ESRRG: variants seen among roughly 807,000 people sequenced by gnomAD.
The protein encoded by ESRRG is estrogen related receptor gamma, also known as estrogen-related receptor gamma.
In ESRRG, 13 loss-of-function variants were observed where a neutral mutation model predicts 44.0. The ratio of observed to expected loss-of-function variants is 0.30; its 90% CI spans 0.19 to 0.47. ESRRG has a LOEUF of 0.47. ESRRG is among the 20% of genes least tolerant of loss of function. ESRRG has a pLI of 1.00. For missense variants in ESRRG, 395 were observed against 580.6 expected (o/e 0.68, Z 3.29); for synonymous variants, 215 against 214.6 (o/e 1.00, Z -0.02).
intron 1 of ESRRG, among the ~76,000 whole-genome samples, chr1:217,097,601 T>A (rs1303900885): frequency 6.6e-6 from 1 of 152,210 alleles, no homozygotes; most frequent in African/African-American, 2.4e-5. Flanking sequence ...TCATTGATTG[T>A]GTATTTCACT....
At chr1:216,699,890 C>T (rs1274230482) in intron 1 of ESRRG, among the ~76,000 whole-genome samples, 1 of 152,152 alleles carries the variant, frequency 6.6e-6, no homozygotes, top group Non-Finnish European at 1.5e-5. Context: ...TAGAAAGCCT[C>T]GCCTATGGAT....
intron 2 of ESRRG, among the ~76,000 whole-genome samples, chr1:216,810,628 T>C (rs2094939294): frequency 6.8e-6 from 1 of 147,886 alleles, no homozygotes; most frequent in Non-Finnish European, 1.5e-5. Flanking sequence ...CTATATGGTA[T>C]ATAGTTTATA....
intron 1 of ESRRG, among the ~76,000 whole-genome samples, chr1:217,057,949 A>C (rs1371007215): frequency 6.6e-6 from 1 of 152,214 alleles, no homozygotes; most frequent in Non-Finnish European, 1.5e-5. Flanking sequence ...AAGAGAAAAA[A>C]TAATAATGAA....
upstream of ESRRG, among the ~76,000 whole-genome samples, chr1:216,726,446 A>G (rs192160550): frequency 1.3e-4 from 20 of 152,298 alleles, no homozygotes; most frequent in Admixed American, 1.3e-3. Flanking sequence ...CTTGCAGGAG[A>G]AAACAATGGA....
intron 1 of ESRRG, among the ~76,000 whole-genome samples, chr1:216,959,213 A>G (rs555057563): frequency 6.6e-6 from 1 of 152,166 alleles, no homozygotes; most frequent in Non-Finnish European, 1.5e-5. Flanking sequence ...TGATTCCCAG[A>G]TCCTAGAACA....
intron 1 of ESRRG, among the ~76,000 whole-genome samples, chr1:217,037,723 GTCTTA>G (rs2083154940): frequency 6.6e-6 from 1 of 152,062 alleles, no homozygotes; most frequent in African/African-American, 2.4e-5. Context: ...ACAGTCCAAA[GTCTTA>G]TCTGAGACAA....
chr1:216,704,282 G>C (rs535935777), intron 1 of ESRRG, among the ~76,000 whole-genome samples: 1 of 152,314 alleles, frequency 6.6e-6, no homozygotes, highest in Admixed American at 6.5e-5. Flanking sequence ...GGAAGGCCGA[G>C]GCGGGTGGAT....
chr1:217,053,855 G>C (rs896151779), intron 1 of ESRRG, among the ~76,000 whole-genome samples: 1 of 152,058 alleles, frequency 6.6e-6, no homozygotes, highest in Non-Finnish European at 1.5e-5. Flanking sequence ...TTTTCTAGGA[G>C]TAAGGGCATT....
chr1:216,980,193 G>T (rs894809494), intron 1 of ESRRG, among the ~76,000 whole-genome samples: 4 of 152,090 alleles, frequency 2.6e-5, no homozygotes, highest in African/African-American at 9.7e-5. Flanking sequence ...TGCGTTCCAT[G>T]TTGCACCACT....
At chr1:216,866,381 A>G (rs1409415333) in intron 2 of ESRRG, among the ~76,000 whole-genome samples, 3 of 152,300 alleles carry the variant, frequency 2.0e-5, no homozygotes, top group East Asian at 3.9e-4. Context: ...GTTATTTAAC[A>G]TATATGTTCT....
At chr1:216,797,837 C>A (rs2094515058) in intron 2 of ESRRG, among the ~76,000 whole-genome samples, 1 of 152,114 alleles carries the variant, frequency 6.6e-6, no homozygotes, top group Admixed American at 6.5e-5. Flanking sequence ...TTACTCTTTT[C>A]CACCCCTTAT....
chr1:217,014,528 C>T (rs2079072694), intron 1 of ESRRG, among the ~76,000 whole-genome samples: 1 of 152,152 alleles, frequency 6.6e-6, no homozygotes, highest in African/African-American at 2.4e-5. Flanking sequence ...TTGCTCTCCA[C>T]ATTTCCCCTA....
At chr1:216,518,511 A>T (rs569689553) in intron 6 of ESRRG, among the ~76,000 whole-genome samples, 2 of 152,174 alleles carry the variant, frequency 1.3e-5, no homozygotes, top group African/African-American at 4.8e-5. Context: ...ATGCTAAAAG[A>T]GACTTAAGAC....
At chr1:216,929,715 C>T (rs1560150900) in intron 2 of ESRRG, among the ~76,000 whole-genome samples, 1 of 152,156 alleles carries the variant, frequency 6.6e-6, no homozygotes, top group Admixed American at 6.5e-5. Flanking sequence ...GGGCAGAGTG[C>T]AGACCACAGG....
intron 1 of ESRRG, among the ~76,000 whole-genome samples, chr1:216,947,279 T>G (rs2066206193): frequency 6.6e-6 from 1 of 152,174 alleles, no homozygotes. Context: ...GACCCAGGAT[T>G]CAGGCCAGAT....
intron 1 of ESRRG, among the ~76,000 whole-genome samples, chr1:217,073,835 G>A (rs2090916035): frequency 6.6e-6 from 1 of 151,668 alleles, no homozygotes; most frequent in Non-Finnish European, 1.5e-5. Flanking sequence ...AGAAGGGAGG[G>A]ACACGAGAGA....
chr1:216,721,356 T>C (rs757073864), intron 1 of ESRRG, among the ~76,000 whole-genome samples: 2 of 152,240 alleles, frequency 1.3e-5, no homozygotes, highest in Non-Finnish European at 2.9e-5. Flanking sequence ...ATTAATAGCA[T>C]GTATAAATTC....
intron 1 of ESRRG, among the ~76,000 whole-genome samples, chr1:216,986,549 A>AAATAAT (rs758266827): frequency 3.3e-5 from 5 of 151,458 alleles, no homozygotes; most frequent in Admixed American, 6.6e-5. Context: ...CGTCTCTGTA[A>AAATAAT]AATAATAATA....
At chr1:216,848,995 A>G (rs2148958713) in intron 2 of ESRRG, among the ~76,000 whole-genome samples, 1 of 152,254 alleles carries the variant, frequency 6.6e-6, no homozygotes, top group East Asian at 1.9e-4. Context: ...GATATGAACT[A>G]CCTATGACCC....
Sources: allele counts gnomAD v4.1 joint callset (sites outside exome capture counted in the v4.1 genomes callset), GRCh38; gene constraint gnomAD v4.1.1; transcripts MANE v1.5; gene names NCBI Gene and HGNC (gene_info 2026-07-23, HGNC 2026-07-21).